CFH: variants seen among roughly 807,000 people sequenced by gnomAD.
CFH encodes the protein H factor 1 (complement).
In CFH, 53 loss-of-function variants were observed where a neutral mutation model predicts 147.3. The observed-to-expected ratio is 0.36, with a 90% confidence interval of 0.29 to 0.45. The LOEUF is 0.45. CFH is among the 20% of genes least tolerant of loss of function. The probability of loss-of-function intolerance (pLI) is 1.00; values close to 1 mark genes in which losing one functional copy is unlikely to be tolerated. For synonymous variants in CFH, 536 were observed against 489.4 expected, an observed-to-expected ratio of 1.10 and a Z score of -1.26; for missense variants, 1,380 against 1,498.0, an observed-to-expected ratio of 0.92 and a Z score of 1.30.
At chr1:196,660,337 A>T (rs1666857472) in intron 1 of CFH, among the ~76,000 whole-genome samples, 1 of 152,240 alleles carries the variant, frequency 6.6e-6, no homozygotes, top group Non-Finnish European at 1.5e-5. Flanking sequence ...GATCCGAGAA[A>T]GTGGCAAGAG....
chr1:196,736,088 G>A (rs1055122403), intron 15 of CFH, among the ~76,000 whole-genome samples: 5 of 152,018 alleles, frequency 3.3e-5, no homozygotes, highest in Non-Finnish European at 7.4e-5. Flanking sequence ...GAAAAAATGA[G>A]ATATTTCTGA....
intron 9 of CFH, 132 bp from the exon 10 acceptor site, chr1:196,713,603 T>C (rs2149101998): frequency 1.6e-6 from 1 of 618,764 alleles, no homozygotes; most frequent in East Asian, 3.0e-5. Context: ...GACTTAAGTA[T>C]TTGAATGCTT....
chr1:196,674,539 A>G (rs1260685600), intron 3 of CFH, among the ~76,000 whole-genome samples: 1 of 152,130 alleles, frequency 6.6e-6, no homozygotes, highest in Non-Finnish European at 1.5e-5. Flanking sequence ...GTATATCCTC[A>G]GTGTTATTTT....
Position 196,740,729 on chromosome 1 carries a change from A to G in CFH, c.2893A>G (p.Ile965Val). The change falls in exon 18 of 22, where the codon ATT (isoleucine) becomes GTT (valine). Residue 965 changes from isoleucine to valine, a missense_variant. Ile to Val is a conservative substitution (Grantham distance 29). Coordinates refer to ENST00000367429, the MANE Select transcript of CFH (RefSeq NM_000186.4). ...GTACAAATGTTTTGAAGGTTTTGGAATTGATGGGCCTGCAATTGCAAAATG... is the reference window on the plus strand; with the variant it reads ...GTACAAATGTTTTGAAGGTTTTGGAGTTGATGGGCCTGCAATTGCAAAATG... ...VTYKCFEGFG[I>V]DGPAIAKCLG... 6.2e-7 allele frequency: 1 copy of G among 1,614,032 alleles called. No individual in the cohort carries two copies. The highest frequency in any genetic ancestry group is 1.1e-5 in the South Asian group (1 of 91,082).
At chr1:196,698,734 C>G (rs114245464) in intron 9 of CFH, among the ~76,000 whole-genome samples, 1 of 152,150 alleles carries the variant, frequency 6.6e-6, no homozygotes. Context: ...ATGGAGCCAG[C>G]ATCATCCTGA....
intron 6 of CFH, among the ~76,000 whole-genome samples, chr1:196,682,348 A>G (rs1425516800): frequency 1.3e-5 from 2 of 151,718 alleles, no homozygotes; most frequent in Non-Finnish European, 3.0e-5. Context: ...ATTGTTTTGG[A>G]TAAAGGTACA....
intron 11 of CFH, among the ~76,000 whole-genome samples, chr1:196,724,631 C>T (rs35505017): frequency 0.012 from 1,820 of 152,188 alleles, 16 homozygotes; most frequent in Non-Finnish European, 0.02. Context: ...TTCTCTATGA[C>T]GCTCCTGCAC....
intron 11 of CFH, among the ~76,000 whole-genome samples, chr1:196,719,079 C>A (rs529912666): frequency 3.9e-4 from 59 of 152,046 alleles, no homozygotes; most frequent in Non-Finnish European, 6.8e-4. Flanking sequence ...GTATGTATCT[C>A]AGAGTTAAAA....
chr1:196,710,508 C>T (rs1414816126), intron 9 of CFH, among the ~76,000 whole-genome samples: 2 of 152,040 alleles, frequency 1.3e-5, no homozygotes, highest in Admixed American at 1.3e-4. Context: ...CTCACTGTAG[C>T]TTTTTTTAAG....
chr1:196,745,839 C>T lies in CFH; in HGVS notation c.3333C>T (p.Pro1111=), dbSNP rs1163106453. The change falls in exon 21 of 22, where the codon CCC becomes CCT. Residue 1111 remains proline, a synonymous_variant. Transcript: ENST00000367429. ...QCKDSTGKCG[P]PPPIDNGDIT... ...TAGATTCTACAGGAAAATGTGGGCC[C>T]CCTCCACCTATTGACAATGGGGACA... The T allele has an allele frequency of 1.9e-6, 3 of 1,613,892 alleles. No individual in the cohort carries two copies. Among genetic ancestry groups the T allele is most frequent in the Non-Finnish European group, 2.5e-6 (3 of 1,179,994 alleles).
At chr1:196,711,882 A>C (rs185643213) in intron 9 of CFH, among the ~76,000 whole-genome samples, 2 of 152,194 alleles carry the variant, frequency 1.3e-5, no homozygotes, top group African/African-American at 4.8e-5. Flanking sequence ...GTCAATATTC[A>C]GCCAAATAAT....
At chr1:196,746,907 T>A (rs1192872855) in intron 21 of CFH, among the ~76,000 whole-genome samples, 1 of 152,188 alleles carries the variant, frequency 6.6e-6, no homozygotes, top group Non-Finnish European at 1.5e-5. Context: ...CTAATTCTCA[T>A]ACATTAAACA....
intron 9 of CFH, among the ~76,000 whole-genome samples, chr1:196,711,433 G>C (rs1423328298): frequency 3.3e-5 from 5 of 151,990 alleles, no homozygotes; most frequent in African/African-American, 1.2e-4. Context: ...ATTTTTGGAG[G>C]GAGGTGTGAA....
rs1669104572 is a variant in CFH, at chr1:196,725,104, A to G, written c.1697-17A>G. The G allele has an allele frequency of 6.2e-7, 1 of 1,600,842 alleles. No homozygotes were observed. Among genetic ancestry groups the G allele is most frequent in the South Asian group, 1.1e-5 (1 of 90,468 alleles). On this transcript the variant is annotated splice_polypyrimidine_tract_variant and intron_variant, in intron 11 of 21. Coordinates refer to ENST00000367429, the MANE Select transcript of CFH (RefSeq NM_000186.4). The stretch of plus-strand genomic sequence containing the variant: ...ATTAATTATATATTCTCATGAAATT[A>G]TTTTACCTTTTTCAAGAAAGAGAAT...
intron 11 of CFH, among the ~76,000 whole-genome samples, chr1:196,718,114 C>G (rs1230447499): frequency 2.0e-5 from 3 of 152,066 alleles, no homozygotes; most frequent in African/African-American, 7.2e-5. Flanking sequence ...TTAAATTTGA[C>G]TCATTCCTGC....
At position 196,728,424 on chromosome 1, in the gene CFH, A is replaced by G; in HGVS notation, c.2315A>G (p.Asp772Gly). 1.2e-6 allele frequency: 2 copies of G among 1,610,060 alleles called. No homozygotes were observed. Among genetic ancestry groups the G allele is most frequent in the Non-Finnish European group, 8.5e-7 (1 of 1,177,272 alleles). Reference sequence around the variant, plus strand: ...CATTTAAAAAACAAGAAGGAATTCGATCATAATTCTAACATAAGGTACAGA... The same window carrying G: ...CATTTAAAAAACAAGAAGGAATTCGGTCATAATTCTAACATAAGGTACAGA... Reference protein sequence around the residue: ...EEHLKNKKEFDHNSNIRYRCR... With the variant: ...EEHLKNKKEFGHNSNIRYRCR... Residue 772 changes from aspartate (D) to glycine (G), a missense_variant, in exon 15 of 22, where the codon GAT becomes GGT. Around this residue, in one of 4 missense-constraint regions of CFH, gnomAD observed 830 missense variants for 821.4 expected, o/e 1.01. Transcript: ENST00000367429.
At chr1:196,670,261 G>T (rs988300542) in intron 1 of CFH, among the ~76,000 whole-genome samples, 1 of 152,164 alleles carries the variant, frequency 6.6e-6, no homozygotes, top group Non-Finnish European at 1.5e-5. Context: ...GGTTAATGCT[G>T]TAGTGAGTTA....
intron 1 of CFH, among the ~76,000 whole-genome samples, chr1:196,663,273 G>A (rs998436632): frequency 3.3e-5 from 5 of 152,024 alleles, no homozygotes; most frequent in Non-Finnish European, 7.4e-5. Context: ...CCACACATGT[G>A]TGTCTCCATG....
At chr1:196,658,721 G>C (rs754906571) in intron 1 of CFH, among the ~76,000 whole-genome samples, 2 of 151,646 alleles carry the variant, frequency 1.3e-5, no homozygotes, top group Non-Finnish European at 2.9e-5. Context: ...CACCGCGCCC[G>C]GCCTGCTCAG....
Sources: gnomAD v4.1 joint callset for allele counts (sites outside exome capture counted in the v4.1 genomes callset) on GRCh38, gnomAD v4.1.1 for gene constraint, gnomAD v4.1.1 regional missense constraint, MANE v1.5 for transcripts, NCBI Gene and HGNC (gene_info 2026-07-23, HGNC 2026-07-21) for gene names.